Variants in VPS13C observed in about 807,000 individuals in gnomAD.
VPS13C encodes the protein intermembrane lipid transfer protein VPS13C.
Under a neutral mutation model 456.8 loss-of-function variants are expected in VPS13C, and 358 were observed. The ratio of observed to expected loss-of-function variants is 0.78; its 90% CI spans 0.72 to 0.86. The LOEUF is 0.86. VPS13C is among the 40% of genes least tolerant of loss of function. VPS13C has a pLI of 0.00. For missense variants in VPS13C, 4,818 were observed against 4,385.4 expected, an observed-to-expected ratio of 1.10 and a Z score of -2.79; for synonymous variants, 1,578 against 1,486.7, an observed-to-expected ratio of 1.06 and a Z score of -1.41.
intron 9 of VPS13C, among the ~76,000 whole-genome samples, chr15:62,019,947 C>T (rs1186226589): frequency 1.3e-5 from 2 of 148,730 alleles, no homozygotes; most frequent in Non-Finnish European, 3.0e-5. Context: ...AAATGTCCAG[C>T]CTATATATAT....
chr15:61,953,652 G>C (rs927159433), intron 38 of VPS13C, among the ~76,000 whole-genome samples: 1 of 151,824 alleles, frequency 6.6e-6, no homozygotes, highest in Non-Finnish European at 1.5e-5. Context: ...TGGACATTTG[G>C]GTTGGTTCCA....
intron 54 of VPS13C, 129 bp downstream of exon 54, chr15:61,922,268 A>C (rs1336671913): frequency 8.1e-7 from 1 of 1,232,454 alleles, no homozygotes; most frequent in Non-Finnish European, 1.1e-6. Flanking sequence ...GACAAATTAA[A>C]TGTCAGAACA....
intron 52 of VPS13C, 58 bp downstream of exon 52, chr15:61,927,033 T>A (rs1474417858): frequency 6.9e-7 from 1 of 1,455,014 alleles, no homozygotes; most frequent in Admixed American, 1.8e-5. Context: ...TAGGATTCTA[T>A]GAATCAACTG....
Position 62,060,407 on chromosome 15 carries a change from C to A in VPS13C, c.-33G>T. The A allele has an allele frequency of 8.5e-7, 1 of 1,171,690 alleles. No homozygotes were observed. Among genetic ancestry groups the A allele is most frequent in the Non-Finnish European group, 1.2e-6 (1 of 807,076 alleles). The allele number at this position is 1,171,690 out of a possible 1,614,324, so 72.6% of individuals were successfully genotyped here. A position where few individuals can be genotyped will look rare whatever the true frequency, so the allele number is the denominator to read the frequency against. ...CTGAGGCACAAGGAGAGGGAGGAGCCGGAACCGCCCGGCGCAGCTGAGGGC... is the reference window on the plus strand; with the variant it reads ...CTGAGGCACAAGGAGAGGGAGGAGCAGGAACCGCCCGGCGCAGCTGAGGGC... On this transcript the variant is annotated 5_prime_UTR_variant, in exon 1 of 85. Transcript: ENST00000644861.
At chr15:61,976,012 G>C (rs2045692593) in intron 24 of VPS13C, among the ~76,000 whole-genome samples, 1 of 152,000 alleles carries the variant, frequency 6.6e-6, no homozygotes, top group Non-Finnish European at 1.5e-5. Context: ...TTCATACCTT[G>C]TACACACAGT....
chr15:61,900,349 T>C (rs1012299479), intron 66 of VPS13C, among the ~76,000 whole-genome samples: 7 of 152,320 alleles, frequency 4.6e-5, no homozygotes, highest in African/African-American at 1.7e-4. Context: ...GACATGATTG[T>C]ATATTTAGAA....
At chr15:61,935,490 T>A (rs145017558) in intron 48 of VPS13C, 1 of 152,336 alleles carries the variant, frequency 6.6e-6, no homozygotes, top group East Asian at 1.9e-4. Context: ...TTTTCCCAAG[T>A]GACACGGTGT....
At position 61,982,584 on chromosome 15, in the gene VPS13C, AT is replaced by A; in HGVS notation, c.1915-12del. ...TGCATTGACAGTTTTCTATAAGAAAATTTTTTTAACATAACCAAGTTACACA... is the reference window on the plus strand; with the variant it reads ...TGCATTGACAGTTTTCTATAAGAAAATTTTTTAACATAACCAAGTTACACA... On this transcript the variant is annotated splice_polypyrimidine_tract_variant and intron_variant, in intron 20 of 84. Transcript: ENST00000644861. 5 of 1,588,654 alleles carry A rather than the reference AT, an allele frequency of 3.1e-6. No individual in the cohort carries two copies. Among genetic ancestry groups the A allele is most frequent in the Non-Finnish European group, 3.4e-6 (4 of 1,171,126 alleles).
chr15:61,919,481 A>T, intron 57 of VPS13C, 32 bp from the exon 58 acceptor site: 1 of 1,464,396 alleles, frequency 6.8e-7, no homozygotes. Context: ...AAGAATTCCA[A>T]ATATTAATTT....
In VPS13C at chr15:61,890,235, GA is replaced by G. The variant is rs1566971934; in HGVS notation, c.9270del (p.Leu3091SerfsTer22). ...MEQADYEITLSLHSLGLSLVN... is the reference protein window; with the variant it reads ...MEQADYEITLXLHSLGLSLVN... The stretch of plus-strand genomic sequence containing the variant: ...ACCAGTGAAAGCCCAAGACTGTGGA[GA>G]GACAAGGTTATTTCATAATCAGCCT... On this transcript the variant is annotated frameshift_variant, in exon 67 of 85. Transcript: ENST00000644861. LOFTEE classifies it high-confidence loss of function. 6.2e-7 allele frequency: 1 copy of G among 1,614,062 alleles called. No homozygotes were observed. Among genetic ancestry groups the G allele is most frequent in the Non-Finnish European group, 8.5e-7 (1 of 1,179,988 alleles).
At chr15:61,950,479 T>C in intron 40 of VPS13C, 62 bp from the exon 41 acceptor site, 1 of 1,252,036 alleles carries the variant, frequency 8.0e-7, no homozygotes, top group Non-Finnish European at 1.2e-6. Context: ...ACACTGAAAA[T>C]ATACATATTC....
At chr15:62,014,797 C>A (rs1014331204) in intron 9 of VPS13C, among the ~76,000 whole-genome samples, 4 of 151,686 alleles carry the variant, frequency 2.6e-5, no homozygotes, top group Admixed American at 1.3e-4. Context: ...ATAACCAGTA[C>A]AATAATATTT....
At chr15:61,970,810 T>A (rs1399601731) in intron 27 of VPS13C, among the ~76,000 whole-genome samples, 2 of 146,996 alleles carry the variant, frequency 1.4e-5, no homozygotes, top group African/African-American at 2.5e-5. Context: ...TCTTGGGTGG[T>A]CAGATCTTTC....
At chr15:61,878,585 T>C (rs776885160) in intron 74 of VPS13C, 22 bp downstream of exon 74, 3 of 1,603,272 alleles carry the variant, frequency 1.9e-6, no homozygotes, top group Admixed American at 3.4e-5. Flanking sequence ...TGCTTCTCAA[T>C]GTACTCTAAC....
chr15:62,018,471 A>C (rs2047339939), intron 9 of VPS13C, among the ~76,000 whole-genome samples: 3 of 151,786 alleles, frequency 2.0e-5, no homozygotes, highest in African/African-American at 7.3e-5. Context: ...ATCAATACCT[A>C]ATCTATTGAG....
chr15:61,907,128 G>T (rs1197628942), intron 66 of VPS13C, 136 bp downstream of exon 66: 4 of 1,306,152 alleles, frequency 3.1e-6, no homozygotes, highest in Non-Finnish European at 4.3e-6. Context: ...GCCATCTAAA[G>T]TCCAAAAGCT....
At chr15:61,939,545 C>G (rs1318535548) in intron 47 of VPS13C, among the ~76,000 whole-genome samples, 1 of 152,118 alleles carries the variant, frequency 6.6e-6, no homozygotes, top group Non-Finnish European at 1.5e-5. Flanking sequence ...TTTGTTTAGT[C>G]TCTCTCACCC....
intron 62 of VPS13C, 130 bp downstream of exon 62, chr15:61,913,181 G>C: frequency 4.0e-6 from 3 of 751,876 alleles, no homozygotes; most frequent in Non-Finnish European, 6.7e-6. Flanking sequence ...CCATTACTGG[G>C]TATATACCCA....
chr15:61,929,292 C>T lies in VPS13C; in HGVS notation c.6286+209G>A, dbSNP rs74394797. 3.3e-5 allele frequency among the ~76,000 whole-genome samples: 5 copies of T among 152,298 alleles called. No homozygotes were observed. The East Asian group carries it at 9.6e-4, about 29-fold the overall frequency. On this transcript the variant is annotated intron_variant, in intron 51 of 84. Coordinates refer to ENST00000644861, the MANE Select transcript of VPS13C (RefSeq NM_020821.3). ...ATGTTCATGGCACAGTTGGAACCAG[C>T]GGACTTTCCTGGCCATTGGTCCAAT...
Sources: allele counts gnomAD v4.1 joint callset (sites outside exome capture counted in the v4.1 genomes callset), GRCh38; gene constraint gnomAD v4.1.1; transcripts MANE v1.5; gene names NCBI Gene and HGNC (gene_info 2026-07-23, HGNC 2026-07-21).